The following GSTM4 variants were observed in gnomAD, a reference collection of about 807,000 sequenced individuals.
GSTM4 encodes glutathione S-transferase mu 4, also known as GST class-mu 4.
A neutral mutation model predicts 30.1 loss-of-function variants in GSTM4; 27 were observed. The ratio of observed to expected loss-of-function variants is 0.90; its 90% CI spans 0.66 to 1.24. The LOEUF is 1.24. GSTM4 is among the 50% of genes most tolerant of loss of function. The pLI, the probability that GSTM4 is intolerant of heterozygous loss-of-function variation, is 0.00. For synonymous variants in GSTM4, 94 were observed against 96.2 expected, an observed-to-expected ratio of 0.98 and a Z score of 0.13; for missense variants, 238 against 272.1, an observed-to-expected ratio of 0.87 and a Z score of 0.88.
intron 5 of GSTM4, 82 bp downstream of exon 5, chr1:109,657,954 C>A: frequency 8.7e-7 from 1 of 1,154,078 alleles, no homozygotes; most frequent in Non-Finnish European, 1.3e-6. Context: ...GAACTCCTCA[C>A]TGCTATTGAT....
intron 3 of GSTM4, 109 bp downstream of exon 3, chr1:109,657,388 C>G: frequency 6.8e-7 from 1 of 1,472,140 alleles, no homozygotes; most frequent in Non-Finnish European, 9.5e-7. Flanking sequence ...TGCCCAATTC[C>G]TCTCACTCCT....
Position 109,657,890 on chromosome 1 carries a change from C to T in GSTM4, c.360+18C>T, listed in dbSNP as rs1652110191. The T allele has an allele frequency of 6.2e-7, 1 of 1,606,528 alleles. No homozygotes were observed. Among genetic ancestry groups the T allele is most frequent in the Admixed American group, 1.7e-5 (1 of 60,000 alleles). ...CTGACTTTGTGAGTCCCTCCCTGGTCTGGACCAGAAGCCAGGCTTGTATTC... is the reference window on the plus strand; with the variant it reads ...CTGACTTTGTGAGTCCCTCCCTGGTTTGGACCAGAAGCCAGGCTTGTATTC... On this transcript the variant is annotated intron_variant, in intron 5 of 7. Coordinates refer to ENST00000369836, the MANE Select transcript of GSTM4 (RefSeq NM_000850.5).
In GSTM4 at chr1:109,656,123, T is replaced by C. The variant is rs1405508664; in HGVS notation, c.-267T>C. ...CCTAGTGCTTCCGGACCTTGCTCCC[T>C]GAACACTCGGAGGTGGCGGTGGATC... On this transcript the variant is annotated 5_prime_UTR_variant, in exon 1 of 8. Coordinates refer to ENST00000369836, the MANE Select transcript of GSTM4 (RefSeq NM_000850.5). 2.2e-6 allele frequency: 1 copy of C among 463,416 alleles called. No individual in the cohort carries two copies. 28.7% of individuals were successfully genotyped at this position (463,416 alleles called of 1,614,324 possible). A position where few individuals can be genotyped will look rare whatever the true frequency, so the allele number is the denominator to read the frequency against.
At chr1:109,667,671 T>C (rs148669207), downstream of GSTM4, among the ~76,000 whole-genome samples, 6 of 152,398 alleles carry the variant, frequency 3.9e-5, no homozygotes, top group African/African-American at 7.2e-5. Flanking sequence ...CTATCATACA[T>C]TGAAAAGTTT....
intron 7 of GSTM4, 120 bp from the exon 8 acceptor site, chr1:109,661,045 A>G: frequency 7.1e-7 from 1 of 1,405,190 alleles, no homozygotes; most frequent in South Asian, 1.3e-5. Context: ...ATGCCTCAGC[A>G]CTTGAGCCCA....
In GSTM4 at chr1:109,656,763, G is replaced by A. The variant is rs1013533964; in HGVS notation, c.88G>A (p.Glu30Lys). 2 of 1,614,106 alleles carry A rather than the reference G, an allele frequency of 1.2e-6. No homozygotes were observed. The highest frequency in any genetic ancestry group is 1.3e-5 in the African/African-American group (1 of 75,028). Residue 30 changes from glutamate to lysine, a missense_variant, in exon 2 of 8, where the codon GAA becomes AAA. By Grantham distance (56) the Glu-to-Lys change is moderately conservative (BLOSUM62 1). Coordinates refer to ENST00000369836, the MANE Select transcript of GSTM4 (RefSeq NM_000850.5). ...LLEYTDSSYE[E>K]KKYTMGDAPD... Reference sequence around the variant, plus strand: ...GGAATACACAGACTCAAGCTACGAGGAAAAGAAGTATACGATGGGGGACGG... The same window carrying A: ...GGAATACACAGACTCAAGCTACGAGAAAAAGAAGTATACGATGGGGGACGG...
At chr1:109,659,521 C>T (rs1345602287) in intron 7 of GSTM4, 1 of 634,368 alleles carries the variant, frequency 1.6e-6, no homozygotes, top group Non-Finnish European at 2.5e-6. Context: ...AGGCAGAGAA[C>T]TTTAGGAGCA....
At chr1:109,657,415 C>T in intron 3 of GSTM4, 136 bp downstream of exon 3, 2 of 1,412,980 alleles carry the variant, frequency 1.4e-6, no homozygotes, top group South Asian at 1.2e-5. Flanking sequence ...CTACACAGCC[C>T]CTGCATGATG....
At chr1:109,659,479 C>A in intron 7 of GSTM4, 1 of 1,040,234 alleles carries the variant, frequency 9.6e-7, no homozygotes, top group Non-Finnish European at 1.3e-6. Context: ...CCTCATCCAG[C>A]CTGGATTTCA....
At chr1:109,658,503 C>G (rs1056976077) in intron 5 of GSTM4, 1 of 362,270 alleles carries the variant, frequency 2.8e-6, no homozygotes, top group Non-Finnish European at 5.0e-6. Context: ...TGATTTTGCT[C>G]ATGTCTGGGT....
Position 109,660,930 on chromosome 1 carries a change from C to T in GSTM4, c.568-235C>T, listed in dbSNP as rs139322810. On this transcript the variant is annotated intron_variant, in intron 7 of 7. Coordinates refer to ENST00000369836, the MANE Select transcript of GSTM4 (RefSeq NM_000850.5). ...CTCTTGGGTACAGAGCACCCAGCAC[C>T]GGGTAGAATCTTCATAAGTGTTAGC... 1.2e-3 allele frequency: 701 copies of T among 566,176 alleles called. 10 individuals are homozygous for T. The highest frequency in any genetic ancestry group is 0.012 in the African/African-American group (639 of 52,500). The allele number at this position is 566,176 out of a possible 1,614,324, so 35.1% of individuals were successfully genotyped here.
intron 7 of GSTM4, chr1:109,659,879 G>A (rs1038790983): frequency 8.2e-5 from 43 of 524,402 alleles, no homozygotes; most frequent in Non-Finnish European, 1.3e-4. Context: ...AGGGTGTGAG[G>A]CACAGTGGGA....
In GSTM4 at chr1:109,661,152, T is replaced by C. The variant is rs540650266; in HGVS notation, c.568-13T>C. The C allele has an allele frequency of 1.2e-5, 20 of 1,612,624 alleles. No individual in the cohort carries two copies. The highest frequency in any genetic ancestry group is 1.0e-4 in the Admixed American group (6 of 59,988). On this transcript the variant is annotated splice_polypyrimidine_tract_variant and intron_variant, in intron 7 of 7. Coordinates refer to ENST00000369836, the MANE Select transcript of GSTM4 (RefSeq NM_000850.5). ...CTGACCTTGAGTTCTGGCCTTATTT[T>C]CCCCCCTCTCAGGGCTTGGAGAAGA...
At chr1:109,661,794 T>A, downstream of GSTM4, 1 of 790,512 alleles carries the variant, frequency 1.3e-6, no homozygotes, top group Non-Finnish European at 1.6e-6. Flanking sequence ...TGGCAGTAGC[T>A]GGGTTCATAG....
intron 5 of GSTM4, 120 bp from the exon 6 acceptor site, chr1:109,658,694 C>T: frequency 1.3e-6 from 1 of 751,862 alleles, no homozygotes; most frequent in South Asian, 1.5e-5. Flanking sequence ...AAGCCAGTTC[C>T]AGCTGTGGGG....
intron 3 of GSTM4, 98 bp downstream of exon 3, chr1:109,657,377 C>A (rs1466319341): frequency 6.6e-7 from 1 of 1,517,024 alleles, no homozygotes; most frequent in Non-Finnish European, 9.1e-7. Context: ...CAGGAGTCTT[C>A]TGCCCAATTC....
At chr1:109,664,340 GCTTTTTTTTTTTTTTT>G (rs1647226643), downstream of GSTM4, among the ~76,000 whole-genome samples, 1 of 28,608 alleles carries the variant, frequency 3.5e-5, no homozygotes, top group Non-Finnish European at 7.4e-5. Flanking sequence ...AGAGAGAATA[GCTTTTTTTTTTTTTTT>G]TTTTTTTTTT....
In GSTM4 at chr1:109,656,587, T is replaced by TGTGTGCGC. The variant is rs567031299; in HGVS notation, c.37-122_37-121insTGCGCGTG. The TGTGTGCGC allele has an allele frequency of 1.5e-5, 9 of 602,048 alleles. No individual in the cohort carries two copies. In the African/African-American group the frequency reaches 3.3e-4, roughly 22 times the overall value. The allele number at this position is 602,048 out of a possible 1,614,324, so 37.3% of individuals were successfully genotyped here. A position where few individuals can be genotyped will look rare whatever the true frequency, so the allele number is the denominator to read the frequency against. ...GTGTGTGTGTGTGTGTGTGTGTGTG[T>TGTGTGCGC]GTGCGTGCGCCGGGGTGGGGGGGGG... On this transcript the variant is annotated intron_variant, in intron 1 of 7. Transcript: ENST00000369836.
intron 7 of GSTM4, 190 bp downstream of exon 7, chr1:109,659,300 A>C (rs1652192447): frequency 6.4e-7 from 1 of 1,569,058 alleles, no homozygotes; most frequent in South Asian, 1.1e-5. Flanking sequence ...CTACAGGGTG[A>C]CAGAATTATC....
Sources: allele counts gnomAD v4.1 joint callset (sites outside exome capture counted in the v4.1 genomes callset), GRCh38; gene constraint gnomAD v4.1.1; transcripts MANE v1.5; gene names NCBI Gene and HGNC (gene_info 2026-07-23, HGNC 2026-07-21).